LRMDA: variants seen among roughly 807,000 people sequenced by gnomAD.
LRMDA encodes leucine-rich melanocyte differentiation-associated protein.
A neutral mutation model predicts 29.8 loss-of-function variants in LRMDA; 18 were observed. The ratio of observed to expected loss-of-function variants is 0.60; its 90% CI spans 0.42 to 0.90. The LOEUF (loss-of-function observed/expected upper bound fraction) is 0.90, where lower values mean the gene tolerates loss of function less well. Ranked by LOEUF, LRMDA falls within the 40% of genes least tolerant of loss-of-function variation. LRMDA has a pLI of 0.00. For synonymous variants in LRMDA, 125 were observed against 109.4 expected (o/e 1.14, Z -0.89); for missense variants, 273 against 273.9 (o/e 1.00, Z 0.02).
intron 2 of LRMDA, among the ~76,000 whole-genome samples, chr10:75,576,562 G>A (rs901384861): frequency 4.6e-5 from 7 of 152,212 alleles, no homozygotes; most frequent in South Asian, 2.1e-4. Flanking sequence ...CCTGACCTCC[G>A]TGTATCCTGA....
intron 2 of LRMDA, among the ~76,000 whole-genome samples, chr10:75,945,305 C>A (rs965098589): frequency 6.6e-6 from 1 of 152,198 alleles, no homozygotes; most frequent in Non-Finnish European, 1.5e-5. Flanking sequence ...ATCTTCCCAG[C>A]ATATGTGCAG....
intron 6 of LRMDA, among the ~76,000 whole-genome samples, chr10:76,439,419 A>G (rs540069496): frequency 6.6e-6 from 1 of 152,304 alleles, no homozygotes; most frequent in South Asian, 2.1e-4. Flanking sequence ...TTGAGGGTGC[A>G]TGGTGGTTCA....
At chr10:75,900,528 A>G (rs1845652548) in intron 2 of LRMDA, among the ~76,000 whole-genome samples, 1 of 152,216 alleles carries the variant, frequency 6.6e-6, no homozygotes, top group Admixed American at 6.5e-5. Context: ...CTTTGAGACT[A>G]GATTGGGGGA....
intron 6 of LRMDA, among the ~76,000 whole-genome samples, chr10:76,469,292 C>T (rs1344446792): frequency 6.6e-6 from 1 of 152,120 alleles, no homozygotes; most frequent in Non-Finnish European, 1.5e-5. Flanking sequence ...TTCTTATTCC[C>T]TCCGACTCTG....
At chr10:76,486,360 C>T (rs1842782374) in intron 6 of LRMDA, among the ~76,000 whole-genome samples, 2 of 151,838 alleles carry the variant, frequency 1.3e-5, no homozygotes, top group African/African-American at 2.4e-5. Context: ...AGGACTTGGG[C>T]CATGGATTAT....
intron 2 of LRMDA, among the ~76,000 whole-genome samples, chr10:75,510,982 G>A (rs1164604129): frequency 6.6e-6 from 1 of 152,156 alleles, no homozygotes; most frequent in Non-Finnish European, 1.5e-5. Context: ...CCTTTTCTCT[G>A]TTCCCTTCTG....
chr10:75,743,099 G>C, intron 2 of LRMDA, among the ~76,000 whole-genome samples: 1 of 152,112 alleles, frequency 6.6e-6, no homozygotes, highest in South Asian at 2.1e-4. Context: ...GGAGACGAAA[G>C]CTGCCCACAA....
At chr10:75,613,549 A>C (rs552408769) in intron 2 of LRMDA, among the ~76,000 whole-genome samples, 1 of 152,300 alleles carries the variant, frequency 6.6e-6, no homozygotes, top group East Asian at 1.9e-4. Context: ...TTCTAGGTAA[A>C]GAAAACCAAG....
chr10:76,422,334 G>A (rs576709568), intron 6 of LRMDA, among the ~76,000 whole-genome samples: 1 of 152,014 alleles, frequency 6.6e-6, no homozygotes, highest in South Asian at 2.1e-4. Flanking sequence ...CTGAGGCCCT[G>A]ACGTAAGATT....
intron 2 of LRMDA, among the ~76,000 whole-genome samples, chr10:75,744,703 G>C (rs1388575757): frequency 6.6e-6 from 1 of 152,136 alleles, no homozygotes; most frequent in African/African-American, 2.4e-5. Flanking sequence ...TTTGTAGTTC[G>C]GTCGTCTTTC....
At position 76,239,109 on chromosome 10, in the gene LRMDA, A is replaced by G. The variant is rs1852220414; in HGVS notation, c.517-85292A>G. Reference sequence around the variant, plus strand: ...TGACGTACAAATTTTAGGCATTTTAAAGAAATACCCCAAACTGTCAGCCCT... The same window carrying G: ...TGACGTACAAATTTTAGGCATTTTAGAGAAATACCCCAAACTGTCAGCCCT... On this transcript the variant is annotated intron_variant, in intron 5 of 6. Transcript: ENST00000611255. 3.9e-5 allele frequency among the ~76,000 whole-genome samples: 6 copies of G among 152,162 alleles called. No individual in the cohort carries two copies. In the South Asian group the frequency reaches 1.2e-3, roughly 32 times the overall value.
chr10:75,853,608 C>A (rs1447922954), intron 2 of LRMDA, among the ~76,000 whole-genome samples: 1 of 152,054 alleles, frequency 6.6e-6, no homozygotes, highest in Non-Finnish European at 1.5e-5. Context: ...AACCCATTCT[C>A]AAAACTAAAC....
At chr10:76,321,066 C>T (rs943008778) in intron 5 of LRMDA, among the ~76,000 whole-genome samples, 2 of 152,062 alleles carry the variant, frequency 1.3e-5, no homozygotes, top group African/African-American at 4.8e-5. Flanking sequence ...TGATATACAA[C>T]ATTATTTTTA....
intron 6 of LRMDA, among the ~76,000 whole-genome samples, chr10:76,537,876 A>T (rs1472857435): frequency 2.0e-5 from 3 of 152,148 alleles, no homozygotes; most frequent in Non-Finnish European, 2.9e-5. Context: ...CTGACTTTTA[A>T]CAACCTCAGT....
chr10:75,699,457 A>G (rs1280125950), intron 2 of LRMDA, among the ~76,000 whole-genome samples: 2 of 152,236 alleles, frequency 1.3e-5, no homozygotes, highest in East Asian at 1.9e-4. Flanking sequence ...AATTTGGAAA[A>G]TGAATTTTCT....
intron 2 of LRMDA, among the ~76,000 whole-genome samples, chr10:75,965,344 G>A (rs1344544574): frequency 6.6e-6 from 1 of 152,184 alleles, no homozygotes; most frequent in African/African-American, 2.4e-5. Context: ...AAACTAGGTA[G>A]GGGCAGTGTG....
intron 6 of LRMDA, among the ~76,000 whole-genome samples, chr10:76,539,130 AG>A: frequency 6.6e-6 from 1 of 152,304 alleles, no homozygotes; most frequent in Non-Finnish European, 1.5e-5. Context: ...TTCTTAGAAA[AG>A]CTATGAAAGG....
At chr10:75,893,215 A>T (rs1845523986) in intron 2 of LRMDA, among the ~76,000 whole-genome samples, 1 of 151,942 alleles carries the variant, frequency 6.6e-6, no homozygotes, top group Admixed American at 6.6e-5. Flanking sequence ...TTGCCAGTTG[A>T]CCCCCTAAAG....
intron 5 of LRMDA, among the ~76,000 whole-genome samples, chr10:76,194,261 A>C (rs1851295809): frequency 6.6e-6 from 1 of 152,156 alleles, no homozygotes. Context: ...TTTGAGAAAA[A>C]GTTTTTGGAA....
Sources: allele counts gnomAD v4.1 joint callset (sites outside exome capture counted in the v4.1 genomes callset), GRCh38; gene constraint gnomAD v4.1.1; transcripts MANE v1.5; gene names NCBI Gene and HGNC (gene_info 2026-07-23, HGNC 2026-07-21).